Variants in ACTR2 observed in about 807,000 individuals in gnomAD.
ACTR2 encodes actin-related protein 2.
In ACTR2, 5 loss-of-function variants were observed where a neutral mutation model predicts 50.2. The ratio of observed to expected loss-of-function variants is 0.10; its 90% CI spans 0.05 to 0.21. The LOEUF (loss-of-function observed/expected upper bound fraction) is 0.21. Ranked by LOEUF, ACTR2 falls within the 10% of genes least tolerant of loss-of-function variation. The pLI is 1.00. For missense variants in ACTR2, 180 were observed against 480.6 expected, an observed-to-expected ratio of 0.37 and a Z score of 5.85; for synonymous variants, 140 against 162.9, an observed-to-expected ratio of 0.86 and a Z score of 1.07.
At chr2:65,259,894 C>T (rs2104015569) in intron 6 of ACTR2, among the ~76,000 whole-genome samples, 1 of 152,218 alleles carries the variant, frequency 6.6e-6, no homozygotes, top group African/African-American at 2.4e-5. Context: ...CTTAACACTT[C>T]TCATTTAATT....
intron 5 of ACTR2, among the ~76,000 whole-genome samples, chr2:65,254,747 C>G (rs974455657): frequency 2.6e-5 from 4 of 152,192 alleles, no homozygotes; most frequent in African/African-American, 9.6e-5. Flanking sequence ...GAAACCCTGT[C>G]TCTGCATTAA....
chr2:65,244,693 A>G (rs1671901905), intron 2 of ACTR2, among the ~76,000 whole-genome samples: 1 of 152,176 alleles, frequency 6.6e-6, no homozygotes, highest in Admixed American at 6.5e-5. Flanking sequence ...CATGCCTATA[A>G]TCCTAGCACT....
At chr2:65,262,398 T>TC (rs2104018838) in intron 7 of ACTR2, among the ~76,000 whole-genome samples, 1 of 151,708 alleles carries the variant, frequency 6.6e-6, no homozygotes, top group South Asian at 2.1e-4. Flanking sequence ...CCCAGAATTT[T>TC]TTTTTTTTTT....
At chr2:65,229,765 A>AAAAAAAG (rs1671600968) in intron 1 of ACTR2, among the ~76,000 whole-genome samples, 1 of 150,656 alleles carries the variant, frequency 6.6e-6, no homozygotes, top group African/African-American at 2.4e-5. Context: ...AAAAAAAAAA[A>AAAAAAAG]AAAAAAGAAA....
rs995531086 is a variant in ACTR2, at chr2:65,246,890, T to C, written c.375+151T>C. 8.1e-6 allele frequency: 5 copies of C among 618,248 alleles called. No individual in the cohort carries two copies. The African/African-American group carries it at 9.7e-5, about 12-fold the overall frequency. 38.3% of individuals were successfully genotyped at this position (618,248 alleles called of 1,614,324 possible). A position where few individuals can be genotyped will look rare whatever the true frequency, so the allele number is the denominator to read the frequency against. On this transcript the variant is annotated intron_variant, in intron 3 of 8. Transcript: ENST00000260641. ...ATCTACTATATGCTAGTCATTATTC[T>C]AAGTAGGAAAGTAGGATAGATCAGT... is the stretch of plus-strand genomic sequence containing the variant.
At chr2:65,228,952 T>C (rs1447887618) in intron 1 of ACTR2, among the ~76,000 whole-genome samples, 2 of 152,108 alleles carry the variant, frequency 1.3e-5, no homozygotes, top group Non-Finnish European at 2.9e-5. Flanking sequence ...TGGTGGTGCT[T>C]GCCTGTAATC....
In ACTR2 at chr2:65,242,171, A is replaced by G. The variant is rs111563286; in HGVS notation, c.159+2209A>G. 6.4e-4 allele frequency: 489 copies of G among 769,688 alleles called. 3 individuals are homozygous for G. The African/African-American group carries it at 7.7e-3, about 12-fold the overall frequency. The allele number at this position is 769,688 out of a possible 1,614,324, so 47.7% of individuals were successfully genotyped here. Reference sequence around the variant, plus strand: ...ATTGGGGAGGGGGGGTTATTTCCATATTTTTATTTTAAGTACTTTGATTTT... The same window carrying G: ...ATTGGGGAGGGGGGGTTATTTCCATGTTTTTATTTTAAGTACTTTGATTTT... On this transcript the variant is annotated intron_variant, in intron 2 of 8. Transcript: ENST00000260641.
intron 6 of ACTR2, among the ~76,000 whole-genome samples, chr2:65,260,275 A>G (rs1327156705): frequency 6.6e-6 from 1 of 152,258 alleles, no homozygotes; most frequent in Non-Finnish European, 1.5e-5. Flanking sequence ...TGGGAGGTTG[A>G]GGCGAGCAGA....
Position 65,240,215 on chromosome 2 carries a change from A to T in ACTR2, c.159+253A>T, listed in dbSNP as rs566200394. ...GGAGTAAAATACTTAAGTTTATTAC[A>T]TTAATGTGAAACGCTGTGTTAGTGA... On this transcript the variant is annotated intron_variant, in intron 2 of 8. Coordinates refer to ENST00000260641, the MANE Select transcript of ACTR2 (RefSeq NM_005722.4). Among the ~76,000 whole-genome samples, 11 of 152,336 alleles carry T rather than the reference A, an allele frequency of 7.2e-5. No individual in the cohort carries two copies. The South Asian group carries it at 2.3e-3, about 32-fold the overall frequency.
At position 65,269,596 on chromosome 2, in the gene ACTR2, A is replaced by G. The variant is rs1158149680; in HGVS notation, c.*862A>G. On this transcript the variant is annotated 3_prime_UTR_variant, in exon 9 of 9. Coordinates refer to ENST00000260641, the MANE Select transcript of ACTR2 (RefSeq NM_005722.4). ...ATTTAAAAATCCTTTGGGTAATTCGAATTACAGATTTAAAAGAGCTTAAGA... is the reference window on the plus strand; with the variant it reads ...ATTTAAAAATCCTTTGGGTAATTCGGATTACAGATTTAAAAGAGCTTAAGA... The G allele has an allele frequency of 1.3e-5, 2 of 152,178 alleles. No individual in the cohort carries two copies. Among genetic ancestry groups the G allele is most frequent in the African/African-American group, 2.4e-5 (1 of 41,426 alleles). The allele number at this position is 152,178 out of a possible 1,614,324, so 9.4% of individuals were successfully genotyped here.
chr2:65,257,603 C>T (rs1294295224), intron 6 of ACTR2, among the ~76,000 whole-genome samples: 1 of 152,200 alleles, frequency 6.6e-6, no homozygotes, highest in Non-Finnish European at 1.5e-5. Flanking sequence ...ATATCCTCTC[C>T]AGCATCTGTT....
intron 6 of ACTR2, among the ~76,000 whole-genome samples, chr2:65,256,905 G>C (rs1451060301): frequency 6.7e-6 from 1 of 150,188 alleles, no homozygotes; most frequent in Non-Finnish European, 1.5e-5. Context: ...AGTTAAGATA[G>C]TGATCCAAAT....
chr2:65,234,823 T>TTTCA (rs898904728), intron 1 of ACTR2, among the ~76,000 whole-genome samples: 9 of 152,302 alleles, frequency 5.9e-5, no homozygotes, highest in African/African-American at 1.7e-4. Flanking sequence ...TAGGTTCTCT[T>TTTCA]TTCATTCATT....
At chr2:65,236,534 G>T (rs1671744621) in intron 1 of ACTR2, among the ~76,000 whole-genome samples, 1 of 152,080 alleles carries the variant, frequency 6.6e-6, no homozygotes, top group South Asian at 2.1e-4. Flanking sequence ...CTTGTAGATA[G>T]TAGCTTTCTT....
At chr2:65,241,837 TTAA>T in intron 2 of ACTR2, 1 of 465,750 alleles carries the variant, frequency 2.1e-6, no homozygotes, top group Admixed American at 3.8e-5. Flanking sequence ...TTTAAATCGT[TTAA>T]TGAGTTAATT....
intron 2 of ACTR2, 73 bp from the exon 3 acceptor site, chr2:65,246,451 A>G: frequency 9.5e-7 from 1 of 1,049,628 alleles, no homozygotes; most frequent in Non-Finnish European, 1.4e-6. Context: ...CAGAAATATT[A>G]AAATTAATTA....
chr2:65,240,401 G>A (rs574713037), intron 2 of ACTR2, among the ~76,000 whole-genome samples: 15 of 151,914 alleles, frequency 9.9e-5, no homozygotes, highest in African/African-American at 3.6e-4. Flanking sequence ...TTTTTATATA[G>A]CCATTTAGGA....
At chr2:65,265,305 C>A in intron 8 of ACTR2, 130 bp downstream of exon 8, 1 of 999,964 alleles carries the variant, frequency 1.0e-6, no homozygotes, top group Non-Finnish European at 1.6e-6. Context: ...CAAGTGCATC[C>A]TGGAAATGAT....
At chr2:65,238,607 C>T (rs990575380) in intron 1 of ACTR2, among the ~76,000 whole-genome samples, 2 of 138,756 alleles carry the variant, frequency 1.4e-5, no homozygotes, top group Admixed American at 7.5e-5. Flanking sequence ...TGCGGTGAGC[C>T]GGGATGGCGC....
Sources: gnomAD v4.1 joint callset for allele counts (sites outside exome capture counted in the v4.1 genomes callset) on GRCh38, gnomAD v4.1.1 for gene constraint, MANE v1.5 for transcripts, NCBI Gene and HGNC (gene_info 2026-07-23, HGNC 2026-07-21) for gene names.